The following GALNTL6 variants were observed in gnomAD, a reference collection of about 807,000 sequenced individuals.
GALNTL6 encodes the protein polypeptide N-acetylgalactosaminyltransferase like 6, also known as polypeptide N-acetylgalactosaminyltransferase-like 6.
In GALNTL6, 46 loss-of-function variants were observed where a neutral mutation model predicts 73.7. The observed-to-expected ratio is 0.62, with a 90% CI of 0.49 to 0.80. The LOEUF (loss-of-function observed/expected upper bound fraction) is 0.80. GALNTL6 is among the 30% of genes least tolerant of loss of function. The pLI is 0.00. For missense variants in GALNTL6, 604 were observed against 755.0 expected (o/e 0.80, Z 2.34); for synonymous variants, 259 against 263.7 (o/e 0.98, Z 0.17).
chr4:172,677,054 C>T (rs2111221044), intron 5 of GALNTL6, among the ~76,000 whole-genome samples: 1 of 152,264 alleles, frequency 6.6e-6, no homozygotes, highest in South Asian at 2.1e-4. Context: ...TTACTACTGT[C>T]CTTGTGTTAA....
intron 2 of GALNTL6, among the ~76,000 whole-genome samples, chr4:171,828,395 C>T (rs577712625): frequency 1.9e-4 from 29 of 152,044 alleles, no homozygotes; most frequent in Non-Finnish European, 3.8e-4. Flanking sequence ...ACCATGGGAC[C>T]CAAATTACCA....
chr4:173,004,687 A>G (rs1752197677), intron 10 of GALNTL6, among the ~76,000 whole-genome samples: 1 of 152,216 alleles, frequency 6.6e-6, no homozygotes, highest in Non-Finnish European at 1.5e-5. Flanking sequence ...AAAAGGGAGC[A>G]TCTTAATTTT....
At chr4:172,790,658 G>A (rs552545033) in intron 5 of GALNTL6, among the ~76,000 whole-genome samples, 17 of 151,036 alleles carry the variant, frequency 1.1e-4, no homozygotes, top group Admixed American at 5.2e-4. Flanking sequence ...TTGGGAGGCC[G>A]AGGCAGGCGG....
rs536585631 is a variant in GALNTL6, at chr4:172,417,173, T to C, written c.553+68484T>C. Among the ~76,000 whole-genome samples, 35 of 132,224 alleles carry C rather than the reference T, an allele frequency of 2.6e-4. 2 individuals carry two copies. In the South Asian group the frequency reaches 7.8e-3, roughly 29 times the overall value. 86.7% of individuals were successfully genotyped at this position (132,224 alleles called of 152,430 possible). On this transcript the variant is annotated intron_variant, in intron 5 of 12. Transcript: ENST00000506823. ...CTCTGATTCTCCTTCTGTTGCTTTATGTGTGTGTGTGTGTGTGTGTGAACC... is the reference window on the plus strand; with the variant it reads ...CTCTGATTCTCCTTCTGTTGCTTTACGTGTGTGTGTGTGTGTGTGTGAACC...
At chr4:172,315,813 A>G (rs778434572) in intron 4 of GALNTL6, among the ~76,000 whole-genome samples, 30 of 151,916 alleles carry the variant, frequency 2.0e-4, no homozygotes, top group Admixed American at 1.7e-3. Context: ...GGTTTTCTCC[A>G]CTTGTGTATT....
chr4:172,556,921 CTAGACT>C (rs1314601150), intron 5 of GALNTL6, among the ~76,000 whole-genome samples: 1 of 152,004 alleles, frequency 6.6e-6, no homozygotes, highest in African/African-American at 2.4e-5. Flanking sequence ...GGCCATTGGA[CTAGACT>C]ATTAGGAAGT....
chr4:172,124,843 C>T (rs561585450), intron 2 of GALNTL6, among the ~76,000 whole-genome samples: 14 of 151,964 alleles, frequency 9.2e-5, no homozygotes, highest in African/African-American at 3.1e-4. Flanking sequence ...GGACCTTGAG[C>T]AAGGGAATAC....
chr4:172,020,878 AT>A (rs1477122682), intron 2 of GALNTL6, among the ~76,000 whole-genome samples: 1 of 152,110 alleles, frequency 6.6e-6, no homozygotes, highest in Non-Finnish European at 1.5e-5. Flanking sequence ...CAACACCCTG[AT>A]AAATATTGAT....
intron 2 of GALNTL6, among the ~76,000 whole-genome samples, chr4:171,962,158 A>G (rs1453210172): frequency 6.6e-6 from 1 of 152,240 alleles, no homozygotes; most frequent in Non-Finnish European, 1.5e-5. Context: ...AAGAAGTTAC[A>G]GAAGATGGAT....
chr4:172,156,111 C>T (rs1374153940), intron 2 of GALNTL6, among the ~76,000 whole-genome samples: 2 of 118,286 alleles, frequency 1.7e-5, no homozygotes, highest in Non-Finnish European at 1.8e-5. Flanking sequence ...ATGGCGTCAG[C>T]GTCAAGTGAG....
chr4:172,160,911 T>C (rs199589256), intron 2 of GALNTL6, among the ~76,000 whole-genome samples: 14 of 66,244 alleles, frequency 2.1e-4, no homozygotes, highest in East Asian at 7.7e-4. Context: ...CACACACACA[T>C]ACACACACAC....
intron 2 of GALNTL6, among the ~76,000 whole-genome samples, chr4:171,977,504 T>C (rs1043457755): frequency 6.6e-6 from 1 of 151,770 alleles, no homozygotes; most frequent in African/African-American, 2.4e-5. Flanking sequence ...GTCTTCTCTC[T>C]GCATCTTCAC....
At chr4:172,999,678 G>T (rs1751957634) in intron 10 of GALNTL6, among the ~76,000 whole-genome samples, 1 of 151,814 alleles carries the variant, frequency 6.6e-6, no homozygotes, top group Non-Finnish European at 1.5e-5. Flanking sequence ...AACTCAGCAT[G>T]CCTTCTTTAT....
intron 2 of GALNTL6, among the ~76,000 whole-genome samples, chr4:171,899,390 A>G (rs979265415): frequency 2.2e-4 from 34 of 152,234 alleles, no homozygotes; most frequent in Admixed American, 1.7e-3. Flanking sequence ...CAGAAACCCA[A>G]CTTTTTATCA....
chr4:173,017,554 C>T (rs980754257), intron 11 of GALNTL6, among the ~76,000 whole-genome samples: 3 of 151,812 alleles, frequency 2.0e-5, no homozygotes, highest in African/African-American at 7.3e-5. Context: ...AGATAAATGG[C>T]AATAAGAAGT....
At chr4:172,038,308 AT>A (rs1741994429) in intron 2 of GALNTL6, among the ~76,000 whole-genome samples, 1 of 146,832 alleles carries the variant, frequency 6.8e-6, no homozygotes, top group South Asian at 2.3e-4. Context: ...AAACATCGGT[AT>A]TTGTGAGAGT....
chr4:172,081,149 C>T (rs1731867856), intron 2 of GALNTL6, among the ~76,000 whole-genome samples: 1 of 152,160 alleles, frequency 6.6e-6, no homozygotes, highest in Non-Finnish European at 1.5e-5. Context: ...ATATAGACAT[C>T]AAAGGCAAAA....
At chr4:173,024,250 T>C (rs1753138307) in intron 12 of GALNTL6, among the ~76,000 whole-genome samples, 1 of 152,232 alleles carries the variant, frequency 6.6e-6, no homozygotes, top group Non-Finnish European at 1.5e-5. Flanking sequence ...TAGATTCAAT[T>C]GTGCTGTGGC....
chr4:171,986,051 A>AAC (rs934038736), intron 2 of GALNTL6, among the ~76,000 whole-genome samples: 23 of 151,124 alleles, frequency 1.5e-4, no homozygotes, highest in Non-Finnish European at 2.7e-4. Flanking sequence ...AAAAAAAAAA[A>AAC]AAAAAACACT....
Sources: gnomAD v4.1 joint callset for allele counts (sites outside exome capture counted in the v4.1 genomes callset) on GRCh38, gnomAD v4.1.1 for gene constraint, MANE v1.5 for transcripts, NCBI Gene and HGNC (gene_info 2026-07-23, HGNC 2026-07-21) for gene names.